ERCC5: variants seen among roughly 807,000 people sequenced by gnomAD.
ERCC5 encodes DNA excision repair protein ERCC-5.
A neutral mutation model predicts 105.6 loss-of-function variants in ERCC5; 68 were observed. The ratio of observed to expected loss-of-function variants is 0.64; its 90% CI spans 0.53 to 0.79. The LOEUF (loss-of-function observed/expected upper bound fraction) is 0.79. Ranked by LOEUF, ERCC5 falls within the 30% of genes least tolerant of loss-of-function variation. The probability of loss-of-function intolerance (pLI) is 0.00; values close to 1 mark genes in which losing one functional copy is unlikely to be tolerated. For missense variants in ERCC5, 1,373 were observed against 1,426.7 expected (o/e 0.96, Z 0.61); for synonymous variants, 546 against 526.2 (o/e 1.04, Z -0.51).
chr13:102,869,118 G>A (rs1343614243), intron 12 of ERCC5, among the ~76,000 whole-genome samples: 1 of 152,158 alleles, frequency 6.6e-6, no homozygotes, highest in Non-Finnish European at 1.5e-5. Context: ...GTGTTTGAAA[G>A]ATGCTAGGAT....
At chr13:102,853,912 A>T (rs765455500) in intron 3 of ERCC5, 40 bp downstream of exon 3, 15 of 1,587,882 alleles carry the variant, frequency 9.4e-6, no homozygotes, top group African/African-American at 5.4e-5. Context: ...ATGAAGTTTT[A>T]AAAAAGTGAT....
intron 1 of ERCC5, 118 bp downstream of exon 1, chr13:102,846,472 G>A (rs974741139): frequency 3.4e-6 from 3 of 886,140 alleles, no homozygotes; most frequent in Admixed American, 4.0e-5. Context: ...CGGGGTCGGG[G>A]TCGCTATAGA....
intron 14 of ERCC5, chr13:102,874,947 A>G (rs1391424331): frequency 2.7e-5 from 6 of 224,332 alleles, no homozygotes; most frequent in Non-Finnish European, 5.3e-5. Flanking sequence ...AAAGAAAGAT[A>G]TAGTAGGACT....
intron 5 of ERCC5, among the ~76,000 whole-genome samples, chr13:102,856,978 A>G (rs1882447902): frequency 6.6e-6 from 1 of 152,224 alleles, no homozygotes; most frequent in African/African-American, 2.4e-5. Flanking sequence ...TTACTGCCCT[A>G]TGGAAGGGGC....
At chr13:102,860,374 G>A (rs1274016799) in intron 6 of ERCC5, among the ~76,000 whole-genome samples, 3 of 152,186 alleles carry the variant, frequency 2.0e-5, no homozygotes, top group African/African-American at 2.4e-5. Context: ...ACCATAAACT[G>A]CAAAAGTCAT....
Position 102,865,009 on chromosome 13 carries a change from A to G in ERCC5, c.1955-658A>G, listed in dbSNP as rs1217965946. Reference sequence around the variant, plus strand: ...GCTTATTCTCCCTGGATATGTAACCATCTCCCCCTCCCACTGGCCTCCTCC... The same window carrying G: ...GCTTATTCTCCCTGGATATGTAACCGTCTCCCCCTCCCACTGGCCTCCTCC... On this transcript the variant is annotated intron_variant, in intron 8 of 14. Transcript: ENST00000652225. This position sits in a 1 kb window ranked among gnomAD's most constrained non-coding sequence, Gnocchi z 4.0. 6.5e-6 allele frequency: 1 copy of G among 153,702 alleles called. No individual in the cohort carries two copies. The highest frequency in any genetic ancestry group is 1.9e-4 in the East Asian group (1 of 5,214). The allele number at this position is 153,702 out of a possible 1,614,324, so 9.5% of individuals were successfully genotyped here. A position where few individuals can be genotyped will look rare whatever the true frequency, so the allele number is the denominator to read the frequency against.
chr13:102,846,925 T>C (rs539079856), intron 1 of ERCC5, among the ~76,000 whole-genome samples: 93 of 152,320 alleles, frequency 6.1e-4, no homozygotes, highest in African/African-American at 2.1e-3. Flanking sequence ...AGTTCTCTCA[T>C]CTGCAAAGTA....
At chr13:102,857,249 G>A (rs551950982) in intron 5 of ERCC5, among the ~76,000 whole-genome samples, 1 of 152,288 alleles carries the variant, frequency 6.6e-6, no homozygotes, top group Admixed American at 6.5e-5. Flanking sequence ...GCTAGTGAGA[G>A]CAATCTTAGT....
chr13:102,852,079 G>T (rs1402335862), intron 1 of ERCC5, 39 bp from the exon 2 acceptor site: 1 of 1,611,948 alleles, frequency 6.2e-7, no homozygotes, highest in South Asian at 1.1e-5. Flanking sequence ...AGGATGAAGA[G>T]AAAAATCCCG....
intron 1 of ERCC5, among the ~76,000 whole-genome samples, chr13:102,851,758 GT>G (rs1315168665): frequency 6.6e-6 from 1 of 151,990 alleles, no homozygotes; most frequent in East Asian, 1.9e-4. Context: ...GTTTTAAAAA[GT>G]TTTTTTCACT....
intron 14 of ERCC5, among the ~76,000 whole-genome samples, chr13:102,874,363 C>G (rs374611400): frequency 1.8e-4 from 28 of 152,260 alleles, no homozygotes; most frequent in African/African-American, 6.7e-4. Context: ...AACTTATTAG[C>G]ATATTTTCTT....
chr13:102,873,336 C>G lies in ERCC5; in HGVS notation c.2957C>G (p.Ala986Gly). ...TTTCCTGTATTAAAGCAACTCGATG[C>G]CCAGCAGGTAATCATGGTGGACCCT... ...SLFPVLKQLD[A>G]QQTQLRIDSF... The change falls in exon 14 of 15, where the codon GCC (alanine) becomes GGC (glycine). Residue 986 changes from alanine to glycine, a missense_variant. Coordinates refer to ENST00000652225, the MANE Select transcript of ERCC5 (RefSeq NM_000123.4). 1 of 1,614,058 alleles carries G rather than the reference C, an allele frequency of 6.2e-7. No homozygotes were observed. Among genetic ancestry groups the G allele is most frequent in the South Asian group, 1.1e-5 (1 of 91,086 alleles).
chr13:102,855,690 T>C (rs1882387006), intron 4 of ERCC5, among the ~76,000 whole-genome samples: 1 of 152,236 alleles, frequency 6.6e-6, no homozygotes, highest in Admixed American at 6.5e-5. Flanking sequence ...TTCTTTTGCC[T>C]GGAACACTCT....
Position 102,846,078 on chromosome 13 carries a change from C to G in ERCC5, c.-189C>G. The stretch of plus-strand genomic sequence containing the variant: ...TGCTGAGACGTGTTGCAGCCAGAGT[C>G]TCTCCGCTTTAATGCGCTCCCATTA... On this transcript the variant is annotated 5_prime_UTR_variant, in exon 1 of 15. Coordinates refer to ENST00000652225, the MANE Select transcript of ERCC5 (RefSeq NM_000123.4). 1 of 595,580 alleles carries G rather than the reference C, an allele frequency of 1.7e-6. No individual in the cohort carries two copies. The highest frequency in any genetic ancestry group is 2.0e-5 in the South Asian group (1 of 49,306). The allele number at this position is 595,580 out of a possible 1,614,324, so 36.9% of individuals were successfully genotyped here. A position where few individuals can be genotyped will look rare whatever the true frequency, so the allele number is the denominator to read the frequency against.
At chr13:102,850,926 G>T (rs1882177378) in intron 1 of ERCC5, among the ~76,000 whole-genome samples, 1 of 152,194 alleles carries the variant, frequency 6.6e-6, no homozygotes, top group African/African-American at 2.4e-5. Context: ...CAGTGTTACA[G>T]GAGCTGGCAA....
At chr13:102,858,531 T>A in intron 6 of ERCC5, 113 bp downstream of exon 6, 1 of 1,430,864 alleles carries the variant, frequency 7.0e-7, no homozygotes, top group Non-Finnish European at 9.7e-7. Flanking sequence ...CAGTTAACAG[T>A]AAACAGCATT....
At chr13:102,855,013 CAACTT>C (rs1882358473) in intron 4 of ERCC5, among the ~76,000 whole-genome samples, 2 of 152,330 alleles carry the variant, frequency 1.3e-5, no homozygotes, top group South Asian at 2.1e-4. Flanking sequence ...TCCCAAGAGA[CAACTT>C]AGCTTTTGTA....
intron 1 of ERCC5, chr13:102,849,497 A>G (rs1290397727): frequency 2.0e-6 from 1 of 505,464 alleles, no homozygotes; most frequent in Non-Finnish European, 4.0e-6. Context: ...TAAATATTAT[A>G]GAAATAAGCA....
At chr13:102,859,099 A>G (rs1043600462) in intron 6 of ERCC5, among the ~76,000 whole-genome samples, 8 of 152,174 alleles carry the variant, frequency 5.3e-5, no homozygotes, top group Non-Finnish European at 7.3e-5. Context: ...TCATGCTGCC[A>G]TTGATACTTA....
Sources: gnomAD v4.1 joint callset for allele counts (sites outside exome capture counted in the v4.1 genomes callset) on GRCh38, gnomAD v4.1.1 for gene constraint, Gnocchi (gnomAD v3.1) non-coding constraint, MANE v1.5 for transcripts, NCBI Gene and HGNC (gene_info 2026-07-23, HGNC 2026-07-21) for gene names.